Variants in PDE1C observed in about 807,000 individuals in gnomAD.
PDE1C encodes phosphodiesterase 1C.
In PDE1C, 62 loss-of-function variants were observed where a neutral mutation model predicts 93.1. That is an observed-to-expected ratio of 0.67 (90% CI 0.54 to 0.82). The LOEUF (loss-of-function observed/expected upper bound fraction) is 0.82, where lower values mean the gene tolerates loss of function less well. Ranked by LOEUF, PDE1C falls within the 40% of genes least tolerant of loss-of-function variation. PDE1C has a pLI of 0.00. For missense variants in PDE1C, 742 were observed against 884.6 expected (o/e 0.84, Z 2.04); for synonymous variants, 325 against 310.1 (o/e 1.05, Z -0.50).
At chr7:32,158,353 T>C (rs1458459420) in intron 3 of PDE1C, among the ~76,000 whole-genome samples, 2 of 152,128 alleles carry the variant, frequency 1.3e-5, no homozygotes, top group Non-Finnish European at 1.5e-5. Context: ...CAAATAACAA[T>C]GCTCCCATAA....
chr7:32,122,435 G>C (rs1799350744), intron 3 of PDE1C, among the ~76,000 whole-genome samples: 1 of 152,000 alleles, frequency 6.6e-6, no homozygotes, highest in South Asian at 2.1e-4. Flanking sequence ...GTGCCACATG[G>C]GACTTATTCT....
At chr7:31,906,389 T>G (rs916501225) in intron 2 of PDE1C, among the ~76,000 whole-genome samples, 2 of 152,206 alleles carry the variant, frequency 1.3e-5, no homozygotes, top group African/African-American at 2.4e-5. Context: ...TGTATTACAG[T>G]AGAAGCTTAC....
At chr7:32,042,734 C>T (rs1322435547) in intron 2 of PDE1C, among the ~76,000 whole-genome samples, 1 of 152,162 alleles carries the variant, frequency 6.6e-6, no homozygotes, top group Non-Finnish European at 1.5e-5. Flanking sequence ...ATGTCACCTG[C>T]CCAGTGATCT....
intron 1 of PDE1C, among the ~76,000 whole-genome samples, chr7:32,375,873 C>T (rs1784424110): frequency 6.6e-6 from 1 of 152,172 alleles, no homozygotes; most frequent in African/African-American, 2.4e-5. Context: ...TATTCACAAC[C>T]AGGCCTGGTG....
the PDE1C span, among the ~76,000 whole-genome samples, chr7:31,669,690 C>T: frequency 6.6e-6 from 1 of 152,082 alleles, no homozygotes; most frequent in South Asian, 2.1e-4. Context: ...GGGTTATTTG[C>T]TTTGTGCAAA....
At chr7:31,630,020 A>C in the PDE1C span, among the ~76,000 whole-genome samples, 1 of 152,150 alleles carries the variant, frequency 6.6e-6, no homozygotes, top group Non-Finnish European at 1.5e-5. Context: ...TAGATCTAAA[A>C]TCCTAGATTA....
At chr7:32,131,019 TA>T (rs1799888626) in intron 3 of PDE1C, among the ~76,000 whole-genome samples, 1 of 152,132 alleles carries the variant, frequency 6.6e-6, no homozygotes, top group South Asian at 2.1e-4. Context: ...GAGGTCAGGA[TA>T]AATCTATGTG....
intron 2 of PDE1C, among the ~76,000 whole-genome samples, chr7:31,944,471 C>T (rs1806317140): frequency 6.6e-6 from 1 of 152,148 alleles, no homozygotes; most frequent in African/African-American, 2.4e-5. Flanking sequence ...GTAATTGGCC[C>T]ACCAGTGGAT....
At chr7:32,393,048 CAAAAAAAAAAAAAA>C (rs35905868) in intron 1 of PDE1C, among the ~76,000 whole-genome samples, 1 of 48,498 alleles carries the variant, frequency 2.1e-5, no homozygotes, top group Non-Finnish European at 3.6e-5. Flanking sequence ...GACTCTGTCT[CAAAAAAAAAAAAAA>C]AAAAAAAAAA....
At position 32,319,760 on chromosome 7, in the gene PDE1C, C is replaced by T. The variant is rs557405323; in HGVS notation, c.310+108062G>A. On this transcript the variant is annotated intron_variant, in intron 1 of 1. Coordinates refer to the PDE1C transcript ENST00000672256. Reference sequence around the variant, plus strand: ...CTTTTCTTCTTCCCAACAGCGACCGCTCTGGGTATGAAGGCTGAAAAGTCA... The same window carrying T: ...CTTTTCTTCTTCCCAACAGCGACCGTTCTGGGTATGAAGGCTGAAAAGTCA... Among the ~76,000 whole-genome samples the T allele has an allele frequency of 8.5e-5, 13 of 152,302 alleles. No individual in the cohort carries two copies. In the South Asian group the frequency reaches 2.7e-3, roughly 32 times the overall value.
intron 3 of PDE1C, among the ~76,000 whole-genome samples, chr7:32,091,896 A>C (rs2128745000): frequency 6.6e-6 from 1 of 152,298 alleles, no homozygotes; most frequent in Admixed American, 6.5e-5. Flanking sequence ...AAGAGGCTAC[A>C]TCTAGTTCCC....
intron 2 of PDE1C, among the ~76,000 whole-genome samples, chr7:31,914,285 T>C (rs1801608593): frequency 6.6e-6 from 1 of 152,124 alleles, no homozygotes; most frequent in African/African-American, 2.4e-5. Context: ...GAAAACTCTA[T>C]CACATCAAGA....
At chr7:31,723,584 C>G in the PDE1C span, among the ~76,000 whole-genome samples, 14 of 152,272 alleles carry the variant, frequency 9.2e-5, no homozygotes, top group Non-Finnish European at 1.9e-4. Context: ...ACAGACACAC[C>G]TGGGAGAGGA....
the PDE1C span, among the ~76,000 whole-genome samples, chr7:31,728,716 G>T: frequency 2.6e-5 from 4 of 152,174 alleles, no homozygotes; most frequent in Admixed American, 2.6e-4. Context: ...ACTCTGCCTA[G>T]AGTTAAATAT....
chr7:31,825,241 C>T (rs950918641), intron 12 of PDE1C, among the ~76,000 whole-genome samples: 1 of 152,150 alleles, frequency 6.6e-6, no homozygotes, highest in African/African-American at 2.4e-5. Context: ...ATAGAACAAG[C>T]ACTGTGATAA....
chr7:32,341,081 A>G (rs1309520374), intron 1 of PDE1C, among the ~76,000 whole-genome samples: 1 of 150,076 alleles, frequency 6.7e-6, no homozygotes, highest in Non-Finnish European at 1.5e-5. Flanking sequence ...ATAGCAGGGT[A>G]GATTACAGAT....
chr7:32,227,510 C>T (rs1807382796), intron 1 of PDE1C, among the ~76,000 whole-genome samples: 1 of 152,170 alleles, frequency 6.6e-6, no homozygotes. Flanking sequence ...ATTCCTAGCA[C>T]CTAACACATG....
At chr7:31,788,830 G>A (rs1231959532) in intron 16 of PDE1C, 1 of 152,096 alleles carries the variant, frequency 6.6e-6, no homozygotes, top group Non-Finnish European at 1.5e-5. Context: ...TTGTGCATTC[G>A]ATACTACAAA....
At chr7:31,805,956 T>G (rs935669997) in intron 16 of PDE1C, among the ~76,000 whole-genome samples, 1 of 151,936 alleles carries the variant, frequency 6.6e-6, no homozygotes, top group African/African-American at 2.4e-5. Context: ...CCACATATGC[T>G]GTCTGGGGTT....
Sources: allele counts gnomAD v4.1 joint callset (sites outside exome capture counted in the v4.1 genomes callset), GRCh38; gene constraint gnomAD v4.1.1; transcripts MANE v1.5; gene names NCBI Gene and HGNC (gene_info 2026-07-23, HGNC 2026-07-21).